The following GRAMD2A variants were observed in gnomAD, a reference collection of about 807,000 sequenced individuals.
GRAMD2A encodes the protein GRAM domain-containing protein 2A.
In GRAMD2A, 37 loss-of-function variants were observed where a neutral mutation model predicts 51.1. The observed-to-expected ratio is 0.72, with a 90% confidence interval of 0.56 to 0.95. GRAMD2A has a LOEUF of 0.95. GRAMD2A is among the 40% of genes least tolerant of loss of function. The pLI, the probability that GRAMD2A is intolerant of heterozygous loss-of-function variation, is 0.00. For synonymous variants in GRAMD2A, 136 were observed against 157.1 expected (o/e 0.87, Z 1.01); for missense variants, 414 against 426.9 (o/e 0.97, Z 0.27).
At chr15:72,187,701 C>T (rs2081743307) in intron 1 of GRAMD2A, among the ~76,000 whole-genome samples, 6 of 152,010 alleles carry the variant, frequency 3.9e-5, no homozygotes, top group Admixed American at 3.3e-4. Context: ...TTTATAGAAA[C>T]AGGGTTCTTG....
Position 72,168,548 on chromosome 15 carries a change from T to A in GRAMD2A, c.211A>T (p.Asn71Tyr). 1.2e-6 allele frequency: 2 copies of A among 1,613,826 alleles called. No individual in the cohort carries two copies. Among genetic ancestry groups the A allele is most frequent in the Non-Finnish European group, 1.7e-6 (2 of 1,179,820 alleles). Residue 71 changes from asparagine to tyrosine, a missense_variant, in exon 4 of 12, where the codon AAC (asparagine) becomes TAC (tyrosine). Physicochemically the swap from Asn to Tyr is moderately radical, Grantham distance 143. Coordinates refer to ENST00000309731, the MANE Select transcript of GRAMD2A (RefSeq NM_001012642.3). ...TTAAACAGCTTGTGGTATTGCTGGT[T>A]GTATTTATTCAGTGTTATCTGCAAA... ...GREGITLNKYNQQYHKLFKDV... is the reference protein window; with the variant it reads ...GREGITLNKYYQQYHKLFKDV...
chr15:72,163,538 CT>C, intron 9 of GRAMD2A, 62 bp from the exon 10 acceptor site: 2 of 1,598,304 alleles, frequency 1.3e-6, no homozygotes, highest in South Asian at 1.1e-5. Context: ...GTGGTGAGCC[CT>C]TTTTATGGAA....
rs964607223 is a variant in GRAMD2A, at chr15:72,166,271, G to C, written c.543+361C>G. Among the ~76,000 whole-genome samples the C allele has an allele frequency of 6.6e-6, 1 of 152,252 alleles. No individual in the cohort carries two copies. Among genetic ancestry groups the C allele is most frequent in the African/African-American group, 2.4e-5 (1 of 41,468 alleles). On this transcript the variant is annotated intron_variant, in intron 7 of 11. Transcript: ENST00000309731. This position sits in a 1 kb window ranked among gnomAD's most constrained non-coding sequence, Gnocchi z 4.1. Reference sequence around the variant, plus strand: ...CTCTAGGCTAATGAAAGCATTCTGAGATGTTTAAGGGAGGTGAGGCTAAGC... The same window carrying C: ...CTCTAGGCTAATGAAAGCATTCTGACATGTTTAAGGGAGGTGAGGCTAAGC...
At chr15:72,180,356 GC>G (rs963206377) in intron 1 of GRAMD2A, among the ~76,000 whole-genome samples, 9 of 152,214 alleles carry the variant, frequency 5.9e-5, no homozygotes, top group African/African-American at 1.9e-4. Context: ...TTGGGGCTTG[GC>G]CATTTCCAGA....
intron 8 of GRAMD2A, among the ~76,000 whole-genome samples, chr15:72,164,181 G>A (rs142320635): frequency 3.9e-4 from 59 of 152,180 alleles, no homozygotes; most frequent in African/African-American, 1.2e-3. Flanking sequence ...CCTTCTATCC[G>A]GCACATGGTA....
chr15:72,197,744 T>A lies in GRAMD2A; in HGVS notation c.28A>T (p.Thr10Ser). Residue 10 changes from threonine to serine, a missense_variant, in exon 1 of 12, where the codon ACC (threonine) becomes TCC (serine). Thr to Ser is a moderately conservative substitution (Grantham distance 58). Transcript: ENST00000309731. MTALSRSEA[T>S]EEGGNQQMHR... Reference sequence around the variant, plus strand: ...GCAACCCCTTACCCGCCCTCCTCGGTGGCCTCGCTCCGGCTTAAAGCGGTC... The same window carrying A: ...GCAACCCCTTACCCGCCCTCCTCGGAGGCCTCGCTCCGGCTTAAAGCGGTC... 1 of 1,336,858 alleles carries A rather than the reference T, an allele frequency of 7.5e-7. No individual in the cohort carries two copies. The highest frequency in any genetic ancestry group is 9.6e-7 in the Non-Finnish European group (1 of 1,036,932). 82.8% of individuals were successfully genotyped at this position (1,336,858 alleles called of 1,614,324 possible).
chr15:72,173,204 G>A (rs1331222990), intron 1 of GRAMD2A, among the ~76,000 whole-genome samples: 5 of 152,208 alleles, frequency 3.3e-5, no homozygotes, highest in Admixed American at 6.5e-5. Flanking sequence ...GGGGTTCCTA[G>A]AGAAAAGGAA....
At chr15:72,162,125 G>A in intron 11 of GRAMD2A, 113 bp from the exon 12 acceptor site, 2 of 1,407,912 alleles carry the variant, frequency 1.4e-6, no homozygotes, top group Non-Finnish European at 2.0e-6. Context: ...GGGTGGGACT[G>A]GTGTACCCTG....
chr15:72,190,563 T>C (rs1183357987), intron 1 of GRAMD2A, among the ~76,000 whole-genome samples: 1 of 152,224 alleles, frequency 6.6e-6, no homozygotes, highest in South Asian at 2.1e-4. Flanking sequence ...ATTGCAAGAT[T>C]CATTAACTTT....
intron 1 of GRAMD2A, among the ~76,000 whole-genome samples, chr15:72,171,946 C>G (rs998296417): frequency 6.6e-6 from 1 of 151,840 alleles, no homozygotes; most frequent in Non-Finnish European, 1.5e-5. Flanking sequence ...TCTCCTGCCT[C>G]AGCCTCCCAA....
At chr15:72,164,411 A>ATTT (rs57619595) in intron 8 of GRAMD2A, among the ~76,000 whole-genome samples, 7 of 143,626 alleles carry the variant, frequency 4.9e-5, no homozygotes, top group Non-Finnish European at 7.6e-5. Flanking sequence ...GACATCTTTT[A>ATTT]TTTTTTTTTT....
At chr15:72,171,920 C>G (rs1332837896) in intron 1 of GRAMD2A, among the ~76,000 whole-genome samples, 2 of 151,458 alleles carry the variant, frequency 1.3e-5, no homozygotes, top group Non-Finnish European at 2.9e-5. Context: ...ACCTCCACCT[C>G]CTGGGTTCCA....
At chr15:72,196,254 C>T (rs1367898224) in intron 1 of GRAMD2A, among the ~76,000 whole-genome samples, 3 of 152,100 alleles carry the variant, frequency 2.0e-5, no homozygotes, top group Non-Finnish European at 2.9e-5. Context: ...CACCTGTAGT[C>T]CCTGTAATGC....
At chr15:72,181,730 G>T (rs1467305587) in intron 1 of GRAMD2A, among the ~76,000 whole-genome samples, 1 of 152,194 alleles carries the variant, frequency 6.6e-6, no homozygotes, top group Non-Finnish European at 1.5e-5. Flanking sequence ...AGGTAAAAAT[G>T]GACTAGAAGA....
intron 1 of GRAMD2A, among the ~76,000 whole-genome samples, chr15:72,196,664 G>A (rs2140564403): frequency 6.6e-6 from 1 of 152,318 alleles, no homozygotes; most frequent in South Asian, 2.1e-4. Context: ...GTGGACATGG[G>A]GTGAAGACAT....
At chr15:72,194,048 A>G (rs2081788227) in intron 1 of GRAMD2A, among the ~76,000 whole-genome samples, 1 of 152,170 alleles carries the variant, frequency 6.6e-6, no homozygotes, top group Non-Finnish European at 1.5e-5. Flanking sequence ...CCACATTAGC[A>G]AATAACTGGG....
At chr15:72,193,561 C>T (rs569684988) in intron 1 of GRAMD2A, among the ~76,000 whole-genome samples, 25 of 144,002 alleles carry the variant, frequency 1.7e-4, no homozygotes, top group African/African-American at 6.0e-4. Context: ...CTTGCTCTGT[C>T]GCCCAGGCTG....
intron 10 of GRAMD2A, among the ~76,000 whole-genome samples, chr15:72,163,042 G>A (rs1228230191): frequency 1.3e-5 from 2 of 152,080 alleles, no homozygotes; most frequent in South Asian, 2.1e-4. Flanking sequence ...CCACCAAATA[G>A]TCTTAACCCT....
intron 1 of GRAMD2A, among the ~76,000 whole-genome samples, chr15:72,190,599 C>T (rs2081761736): frequency 1.3e-5 from 2 of 152,288 alleles, no homozygotes; most frequent in South Asian, 4.1e-4. Context: ...CACATGGGGA[C>T]ACTTGGTTAT....
Sources: gnomAD v4.1 joint callset for allele counts (sites outside exome capture counted in the v4.1 genomes callset) on GRCh38, gnomAD v4.1.1 for gene constraint, Gnocchi (gnomAD v3.1) non-coding constraint, MANE v1.5 for transcripts, NCBI Gene and HGNC (gene_info 2026-07-23, HGNC 2026-07-21) for gene names.